The following MAP4K3 variants were observed in gnomAD, a reference collection of about 807,000 sequenced individuals.
MAP4K3 encodes mitogen-activated protein kinase kinase kinase kinase 3, also known as MAPK/ERK kinase kinase kinase 3.
MAP4K3 carries 94 observed loss-of-function variants against 143.5 expected under a neutral mutation model. The observed-to-expected ratio is 0.65, with a 90% CI of 0.55 to 0.78. The LOEUF (loss-of-function observed/expected upper bound fraction) is 0.78, where lower values mean the gene tolerates loss of function less well. Among genes scored for constraint, MAP4K3 ranks in the 30% least tolerant of loss-of-function variants. The pLI is 0.00. For synonymous variants in MAP4K3, 416 were observed against 347.2 expected, an observed-to-expected ratio of 1.20 and a Z score of -2.20; for missense variants, 1,077 against 1,068.1, an observed-to-expected ratio of 1.01 and a Z score of -0.12.
chr2:39,344,295 T>C (rs1573177745), intron 3 of MAP4K3, among the ~76,000 whole-genome samples: 1 of 152,316 alleles, frequency 6.6e-6, no homozygotes, highest in Non-Finnish European at 1.5e-5. Flanking sequence ...GCGGACCAAA[T>C]CTAGCCTGCT....
At chr2:39,342,019 A>G (rs1294286160) in intron 4 of MAP4K3, among the ~76,000 whole-genome samples, 2 of 151,874 alleles carry the variant, frequency 1.3e-5, no homozygotes, top group East Asian at 3.9e-4. Context: ...CCCCACACCC[A>G]CACCAACAAG....
intron 4 of MAP4K3, among the ~76,000 whole-genome samples, chr2:39,340,995 G>A (rs964554908): frequency 1.1e-4 from 16 of 152,086 alleles, no homozygotes; most frequent in African/African-American, 3.9e-4. Context: ...CGCAGATTGG[G>A]GGAGAAAATA....
chr2:39,309,934 A>C (rs921626407), intron 13 of MAP4K3, among the ~76,000 whole-genome samples: 5 of 152,176 alleles, frequency 3.3e-5, no homozygotes, highest in African/African-American at 1.2e-4. Context: ...ATTTAATGCT[A>C]CCATCAACCA....
At chr2:39,347,218 T>C (rs1665318259) in intron 3 of MAP4K3, among the ~76,000 whole-genome samples, 1 of 152,182 alleles carries the variant, frequency 6.6e-6, no homozygotes, top group Non-Finnish European at 1.5e-5. Context: ...TGTCTCAGCT[T>C]TAATTTCTAA....
intron 20 of MAP4K3, among the ~76,000 whole-genome samples, chr2:39,287,531 G>A (rs538189397): frequency 1.3e-3 from 193 of 151,940 alleles, no homozygotes; most frequent in African/African-American, 4.5e-3. Flanking sequence ...TCAAACTCTT[G>A]ACCTCAGGTG....
In MAP4K3 at chr2:39,337,506, T is replaced by C. The variant is rs1264001476; in HGVS notation, c.366+20A>G. On this transcript the variant is annotated intron_variant, in intron 5 of 33. Transcript: ENST00000263881. The stretch of plus-strand genomic sequence containing the variant: ...TTAGTTTAATGAAAAATGTTATTTT[T>C]GAATTAGCACTTGATTTACCTGCAG... The C allele has an allele frequency of 1.3e-6, 2 of 1,594,180 alleles. No individual in the cohort carries two copies. Among genetic ancestry groups the C allele is most frequent in the Non-Finnish European group, 1.7e-6 (2 of 1,163,182 alleles).
intron 6 of MAP4K3, among the ~76,000 whole-genome samples, chr2:39,334,618 C>T (rs1253260864): frequency 2.6e-5 from 4 of 152,038 alleles, no homozygotes; most frequent in South Asian, 4.1e-4. Flanking sequence ...CTGTCAGAGG[C>T]TTCAGTTTGG....
intron 12 of MAP4K3, among the ~76,000 whole-genome samples, chr2:39,316,360 AG>A (rs1163463962): frequency 6.6e-6 from 1 of 152,120 alleles, no homozygotes; most frequent in Non-Finnish European, 1.5e-5. Flanking sequence ...CTAGCTTGTC[AG>A]GAACAAAACT....
chr2:39,414,376 C>CG (rs1667311666), intron 1 of MAP4K3, among the ~76,000 whole-genome samples: 1 of 152,082 alleles, frequency 6.6e-6, no homozygotes, highest in African/African-American at 2.4e-5. Flanking sequence ...CAAACTATTG[C>CG]GGGGGAATTA....
At chr2:39,279,966 T>C (rs1048029439) in intron 23 of MAP4K3, among the ~76,000 whole-genome samples, 1 of 151,498 alleles carries the variant, frequency 6.6e-6, no homozygotes, top group African/African-American at 2.4e-5. Flanking sequence ...AAATAAAAAA[T>C]AAAAAAAGAT....
intron 20 of MAP4K3, among the ~76,000 whole-genome samples, chr2:39,287,319 G>A (rs1681832498): frequency 6.7e-6 from 1 of 148,390 alleles, no homozygotes; most frequent in Admixed American, 6.7e-5. Context: ...TTGAGAAGGA[G>A]TTTTGCTCTT....
chr2:39,415,980 A>AAAAATATAT (rs1553318573), intron 1 of MAP4K3, among the ~76,000 whole-genome samples: 8 of 14,750 alleles, frequency 5.4e-4, no homozygotes, highest in African/African-American at 9.9e-4. Flanking sequence ...AAAAAAAAAA[A>AAAAATATAT]ATATATATAT....
chr2:39,291,334 T>G (rs1011465282), intron 18 of MAP4K3, among the ~76,000 whole-genome samples: 59 of 152,330 alleles, frequency 3.9e-4, no homozygotes, highest in African/African-American at 1.4e-3. Flanking sequence ...AGTACTATAT[T>G]GTAATTAAAA....
intron 1 of MAP4K3, among the ~76,000 whole-genome samples, chr2:39,382,776 T>C (rs1166715378): frequency 2.0e-5 from 3 of 152,230 alleles, no homozygotes; most frequent in African/African-American, 4.8e-5. Flanking sequence ...TGATACACAG[T>C]CAGGTTTGGG....
intron 8 of MAP4K3, among the ~76,000 whole-genome samples, chr2:39,331,122 T>C (rs1008474079): frequency 6.6e-6 from 1 of 152,126 alleles, no homozygotes; most frequent in Non-Finnish European, 1.5e-5. Context: ...GTAGTAGCAA[T>C]TAAAGCTATA....
At chr2:39,299,695 C>T (rs780376069) in intron 16 of MAP4K3, 48 bp downstream of exon 16, 2 of 1,045,722 alleles carry the variant, frequency 1.9e-6, no homozygotes, top group South Asian at 3.6e-5. Flanking sequence ...TTAAAGGCAA[C>T]TTAATAATTC....
At chr2:39,267,448 G>A (rs759615558) in intron 26 of MAP4K3, 23 of 528,400 alleles carry the variant, frequency 4.4e-5, no homozygotes, top group East Asian at 1.3e-4. Flanking sequence ...CGAGGTGGGC[G>A]GATCACAAGG....
chr2:39,288,021 T>G, intron 20 of MAP4K3, 100 bp downstream of exon 20: 2 of 1,428,940 alleles, frequency 1.4e-6, no homozygotes, highest in Non-Finnish European at 1.9e-6. Context: ...CCTTCTGTCC[T>G]CCACCAAAAG....
At chr2:39,340,113 G>C (rs1055453542) in intron 4 of MAP4K3, among the ~76,000 whole-genome samples, 1 of 152,160 alleles carries the variant, frequency 6.6e-6, no homozygotes, top group Non-Finnish European at 1.5e-5. Context: ...GGGAAACCTT[G>C]CAAGCACTAG....
Sources: allele counts gnomAD v4.1 joint callset (sites outside exome capture counted in the v4.1 genomes callset), GRCh38; gene constraint gnomAD v4.1.1; transcripts MANE v1.5; gene names NCBI Gene and HGNC (gene_info 2026-07-23, HGNC 2026-07-21).